CD247: variants seen among roughly 807,000 people sequenced by gnomAD.
The protein encoded by CD247 is T-cell surface glycoprotein CD3 zeta chain.
A neutral mutation model predicts 30.0 loss-of-function variants in CD247; 13 were observed. The ratio of observed to expected loss-of-function variants is 0.43; its 90% CI spans 0.28 to 0.69. The LOEUF is 0.69. CD247 is among the 30% of genes least tolerant of loss of function. The pLI, the probability that CD247 is intolerant of heterozygous loss-of-function variation, is 0.16. For synonymous variants in CD247, 72 were observed against 80.0 expected (o/e 0.90, Z 0.53); for missense variants, 193 against 212.6 (o/e 0.91, Z 0.57).
At chr1:167,477,362 C>A (rs1256884880) in intron 1 of CD247, among the ~76,000 whole-genome samples, 3 of 152,212 alleles carry the variant, frequency 2.0e-5, no homozygotes, top group African/African-American at 7.2e-5. Flanking sequence ...AGAAGAAAGA[C>A]AAACAAAGCT....
chr1:167,434,010 C>A lies in CD247; in HGVS notation c.393+10G>T. The A allele has an allele frequency of 6.2e-7, 1 of 1,612,386 alleles. No homozygotes were observed. The highest frequency in any genetic ancestry group is 8.5e-7 in the Non-Finnish European group (1 of 1,178,358). ...AACTCCCTCGGAAATTAAGAAACAG[C>A]AACACTCACCTCGCCTTTCATCCCA... On this transcript the variant is annotated intron_variant, in intron 6 of 7. Coordinates refer to ENST00000362089, the MANE Select transcript of CD247 (RefSeq NM_198053.3).
intron 2 of CD247, chr1:167,440,403 C>A (rs763857829): frequency 3.7e-5 from 20 of 541,268 alleles, no homozygotes; most frequent in Non-Finnish European, 6.4e-5. Flanking sequence ...CCCTGGGACA[C>A]TCTGATGTGC....
intron 1 of CD247, among the ~76,000 whole-genome samples, chr1:167,486,814 A>G (rs1280726725): frequency 1.3e-5 from 2 of 152,154 alleles, no homozygotes; most frequent in Admixed American, 1.3e-4. Context: ...GCTCGTGCCT[A>G]TGTAATCCCA....
intron 1 of CD247, among the ~76,000 whole-genome samples, chr1:167,501,632 C>T (rs950497462): frequency 5.3e-5 from 8 of 152,206 alleles, no homozygotes; most frequent in African/African-American, 1.2e-4. Context: ...TCAAGGAGAA[C>T]GTATTTGCAG....
intron 1 of CD247, among the ~76,000 whole-genome samples, chr1:167,517,608 G>C (rs145903079): frequency 6.6e-6 from 1 of 152,236 alleles, no homozygotes; most frequent in Non-Finnish European, 1.5e-5. Flanking sequence ...GGCGCTGCTC[G>C]TGGTGGTGAC....
At chr1:167,460,720 T>C (rs1652963579) in intron 1 of CD247, among the ~76,000 whole-genome samples, 1 of 152,250 alleles carries the variant, frequency 6.6e-6, no homozygotes, top group Admixed American at 6.5e-5. Flanking sequence ...GATATTCTCC[T>C]AATGCTATCC....
chr1:167,461,693 C>A (rs1653015821), intron 1 of CD247, among the ~76,000 whole-genome samples: 2 of 152,056 alleles, frequency 1.3e-5, no homozygotes, highest in Non-Finnish European at 2.9e-5. Flanking sequence ...ACCAGAAATA[C>A]AAAAATTAGC....
Position 167,431,612 on chromosome 1 carries a change from G to T in CD247, c.*69C>A. On this transcript the variant is annotated 3_prime_UTR_variant, in exon 8 of 8. Transcript: ENST00000362089. Reference sequence around the variant, plus strand: ...GAGAAGAGTGAACCGGGTTGTAAATGCTTCATCCTGTGTCTCATAATCTGG... The same window carrying T: ...GAGAAGAGTGAACCGGGTTGTAAATTCTTCATCCTGTGTCTCATAATCTGG... 1 of 1,259,968 alleles carries T rather than the reference G, an allele frequency of 7.9e-7. No homozygotes were observed. Among genetic ancestry groups the T allele is most frequent in the Non-Finnish European group, 1.2e-6 (1 of 856,406 alleles). The allele number at this position is 1,259,968 out of a possible 1,614,324, so 78.0% of individuals were successfully genotyped here.
chr1:167,517,900 T>C (rs1228902683), intron 1 of CD247, among the ~76,000 whole-genome samples: 1 of 152,150 alleles, frequency 6.6e-6, no homozygotes, highest in Non-Finnish European at 1.5e-5. Flanking sequence ...CCCGGGCCCA[T>C]TGGAGTGTTT....
chr1:167,441,721 G>A (rs931363204), intron 1 of CD247, among the ~76,000 whole-genome samples: 1 of 152,216 alleles, frequency 6.6e-6, no homozygotes, highest in African/African-American at 2.4e-5. Context: ...ATTAACCTTT[G>A]TCAAGCTGTA....
chr1:167,447,755 A>G (rs142232596), intron 1 of CD247, among the ~76,000 whole-genome samples: 136 of 152,280 alleles, frequency 8.9e-4, no homozygotes, highest in Middle Eastern at 6.8e-3. Flanking sequence ...GATGGAATCA[A>G]TATGAATCAC....
chr1:167,473,163 C>T (rs1034106121), intron 1 of CD247, among the ~76,000 whole-genome samples: 1 of 151,862 alleles, frequency 6.6e-6, no homozygotes, highest in Non-Finnish European at 1.5e-5. Flanking sequence ...ATTCTGAGGC[C>T]TTTCCTTGAA....
At chr1:167,511,779 G>A (rs1021209056) in intron 1 of CD247, among the ~76,000 whole-genome samples, 9 of 152,056 alleles carry the variant, frequency 5.9e-5, no homozygotes, top group Non-Finnish European at 1.2e-4. Context: ...GACCCTGTAC[G>A]AGGGCCCCGA....
At chr1:167,456,023 C>T (rs1382326375) in intron 1 of CD247, among the ~76,000 whole-genome samples, 2 of 152,112 alleles carry the variant, frequency 1.3e-5, no homozygotes, top group South Asian at 4.1e-4. Context: ...CCCCCTCCCC[C>T]TTCCTCAGAT....
intron 1 of CD247, among the ~76,000 whole-genome samples, chr1:167,460,811 C>T (rs1055610139): frequency 2.0e-5 from 3 of 152,162 alleles, no homozygotes; most frequent in African/African-American, 7.2e-5. Context: ...CATTGTTCAA[C>T]TCTCGGGGAG....
intron 1 of CD247, among the ~76,000 whole-genome samples, chr1:167,444,425 TCA>T (rs1651976636): frequency 6.6e-6 from 1 of 152,198 alleles, no homozygotes; most frequent in African/African-American, 2.4e-5. Flanking sequence ...CTAGGAGGTT[TCA>T]GGGTATTACA....
chr1:167,513,813 TAAAC>T (rs1256484403), intron 1 of CD247, among the ~76,000 whole-genome samples: 1 of 152,158 alleles, frequency 6.6e-6, no homozygotes, highest in African/African-American at 2.4e-5. Flanking sequence ...AGATCTGAAA[TAAAC>T]AAATAGTGGA....
rs560115806 is a variant in CD247 at position 167,473,851 on chromosome 1, T to G, written c.59-33084A>C. ...GTTTTACTGGTCACCAGCCTCCTTGTCACACTGACTCACGGATCTGCTAGC... is the reference window on the plus strand; with the variant it reads ...GTTTTACTGGTCACCAGCCTCCTTGGCACACTGACTCACGGATCTGCTAGC... On this transcript the variant is annotated intron_variant, in intron 1 of 7. Transcript: ENST00000362089. 2.0e-5 allele frequency among the ~76,000 whole-genome samples: 3 copies of G among 152,336 alleles called. No homozygotes were observed. The East Asian group carries it at 5.8e-4, about 29-fold the overall frequency.
chr1:167,495,127 A>G (rs1654629713), intron 1 of CD247, among the ~76,000 whole-genome samples: 1 of 152,248 alleles, frequency 6.6e-6, no homozygotes, highest in Non-Finnish European at 1.5e-5. Context: ...AGTTTCCAGC[A>G]ACAGCATTGT....
Sources: allele counts gnomAD v4.1 joint callset (sites outside exome capture counted in the v4.1 genomes callset), GRCh38; gene constraint gnomAD v4.1.1; transcripts MANE v1.5; gene names NCBI Gene and HGNC (gene_info 2026-07-23, HGNC 2026-07-21).